PCDHGA4: variants seen among roughly 807,000 people sequenced by gnomAD.
The protein encoded by PCDHGA4 is protocadherin gamma subfamily A, 4.
A neutral mutation model predicts 54.6 loss-of-function variants in PCDHGA4; 38 were observed. That is an observed-to-expected ratio of 0.70 (90% CI 0.54 to 0.91). The LOEUF (loss-of-function observed/expected upper bound fraction) is 0.91. Ranked by LOEUF, PCDHGA4 falls within the 40% of genes least tolerant of loss-of-function variation. The pLI is 0.00. For synonymous variants in PCDHGA4, 511 were observed against 512.9 expected (o/e 1.00, Z 0.05); for missense variants, 1,298 against 1,220.9 (o/e 1.06, Z -0.94).
In PCDHGA4 at chr5:141,512,494, C is replaced by T. The variant is rs2099884262; in HGVS notation, c.*1321C>T. The T allele has an allele frequency of 6.5e-6, 1 of 152,894 alleles. No individual in the cohort carries two copies. Among genetic ancestry groups the T allele is most frequent in the Admixed American group, 6.5e-5 (1 of 15,282 alleles). The allele number at this position is 152,894 out of a possible 1,614,324, so 9.5% of individuals were successfully genotyped here. Reference sequence around the variant, plus strand: ...CTTCCGTGAAGGCCACTGCCCAGGTCCCCAGTGCGCCCCCTAGTGGCCATA... The same window carrying T: ...CTTCCGTGAAGGCCACTGCCCAGGTTCCCAGTGCGCCCCCTAGTGGCCATA... On this transcript the variant is annotated 3_prime_UTR_variant, in exon 4 of 4. Transcript: ENST00000571252.
At chr5:141,475,760 C>T (rs1480762060) in intron 1 of PCDHGA4, among the ~76,000 whole-genome samples, 1 of 152,286 alleles carries the variant, frequency 6.6e-6, no homozygotes, top group Non-Finnish European at 1.5e-5. Flanking sequence ...TGCACCGATA[C>T]TGGCAAGGCG....
In PCDHGA4 at chr5:141,384,908, A is replaced by C. The variant is rs868472813; in HGVS notation, c.2514+27287A>C. 24 of 1,613,860 alleles carry C rather than the reference A, an allele frequency of 1.5e-5. 1 individual carries two copies. The highest frequency in any genetic ancestry group is 9.9e-5 in the South Asian group (9 of 91,086). ...GTGGCTGTGGCTGACAGCATCCCCG[A>C]AGTCTTGGCCGACCTGGGCAGCCTT... On this transcript the variant is annotated intron_variant, in intron 1 of 3. Coordinates refer to ENST00000571252, the MANE Select transcript of PCDHGA4 (RefSeq NM_018917.4).
At chr5:141,389,117 G>A in intron 1 of PCDHGA4, 1 of 1,614,024 alleles carries the variant, frequency 6.2e-7, no homozygotes, top group Admixed American at 1.7e-5. Flanking sequence ...TAGACCGCGA[G>A]CAGAATCCAG....
rs773174763 is a variant in PCDHGA4 at position 141,477,409 on chromosome 5, C to T, written c.2515-17398C>T. The T allele has an allele frequency of 1.4e-5, 22 of 1,614,058 alleles. No homozygotes were observed. The highest frequency in any genetic ancestry group is 1.7e-5 in the Admixed American group (1 of 60,006). On this transcript the variant is annotated intron_variant, in intron 1 of 3. Transcript: ENST00000571252. This position sits in a 1 kb window ranked among gnomAD's most constrained non-coding sequence, Gnocchi z 4.9. ...ACAACCTCAGCATCACCGCCCGAGA[C>T]GCCGGAACCCCTTCCCTCTCAGCCC...
At chr5:141,424,772 G>A (rs2096839878) in intron 1 of PCDHGA4, 1 of 152,086 alleles carries the variant, frequency 6.6e-6, no homozygotes, top group Non-Finnish European at 1.5e-5. Flanking sequence ...ATGGCAAATA[G>A]TACATTCAGT....
intron 1 of PCDHGA4, chr5:141,400,114 A>G: frequency 6.2e-7 from 1 of 1,614,074 alleles, no homozygotes; most frequent in Admixed American, 1.7e-5. Context: ...CTTTGCTGAC[A>G]GCTTGCAGGA....
At chr5:141,425,321 G>A (rs1020940689) in intron 1 of PCDHGA4, among the ~76,000 whole-genome samples, 2 of 152,182 alleles carry the variant, frequency 1.3e-5, no homozygotes, top group South Asian at 2.1e-4. Flanking sequence ...CAAGATCGTG[G>A]AGAACAAAAA....
At chr5:141,415,416 G>C (rs747598923) in intron 1 of PCDHGA4, 3 of 1,614,220 alleles carry the variant, frequency 1.9e-6, no homozygotes, top group Non-Finnish European at 2.5e-6. Flanking sequence ...TTGTGGGCGT[G>C]GACGGGGTTC....
At chr5:141,468,783 G>T (rs908838744) in intron 1 of PCDHGA4, among the ~76,000 whole-genome samples, 5 of 151,346 alleles carry the variant, frequency 3.3e-5, no homozygotes, top group East Asian at 2.0e-4. Flanking sequence ...GGAGAATGGC[G>T]TGAACCCGGG....
intron 1 of PCDHGA4, chr5:141,405,078 T>G: frequency 6.2e-7 from 1 of 1,613,888 alleles, no homozygotes; most frequent in Non-Finnish European, 8.5e-7. Flanking sequence ...ACCTTCGTTA[T>G]CACGCTGCTG....
chr5:141,378,080 AT>A (rs1360120738), intron 1 of PCDHGA4: 30 of 152,322 alleles, frequency 2.0e-4, no homozygotes, highest in African/African-American at 7.2e-4. Flanking sequence ...AAATAATTTT[AT>A]AACTTTTTTT....
At chr5:141,429,577 T>C (rs2097225544) in intron 1 of PCDHGA4, among the ~76,000 whole-genome samples, 2 of 152,230 alleles carry the variant, frequency 1.3e-5, no homozygotes, top group South Asian at 4.1e-4. Context: ...TTACATTTAC[T>C]TTTGATTCTT....
intron 1 of PCDHGA4, chr5:141,393,109 G>C (rs2092681202): frequency 1.2e-6 from 2 of 1,613,430 alleles, no homozygotes; most frequent in Non-Finnish European, 1.7e-6. Context: ...TGCGCTCAGA[G>C]CCCGCGGTGT....
chr5:141,453,101 T>TTTCTG (rs1554138035), intron 1 of PCDHGA4, among the ~76,000 whole-genome samples: 1 of 152,012 alleles, frequency 6.6e-6, no homozygotes, highest in Non-Finnish European at 1.5e-5. Context: ...TTCTGTTGCT[T>TTTCTG]TTTTGTTTTG....
chr5:141,392,248 A>G (rs2092491180), intron 1 of PCDHGA4: 3 of 152,220 alleles, frequency 2.0e-5, no homozygotes, highest in Admixed American at 2.0e-4. Flanking sequence ...ATTTGTTAGT[A>G]TATATTGGAG....
At chr5:141,428,290 C>A in intron 1 of PCDHGA4, 1 of 726,802 alleles carries the variant, frequency 1.4e-6, no homozygotes, top group Non-Finnish European at 2.4e-6. Context: ...CCAAGCAAAG[C>A]TGCAGATTTA....
intron 1 of PCDHGA4, chr5:141,475,890 G>C: frequency 1.8e-6 from 1 of 565,896 alleles, no homozygotes; most frequent in South Asian, 2.3e-5. Flanking sequence ...CTGGGACTCT[G>C]TGTGCCGCTG....
chr5:141,392,089 A>G (rs1278879227), intron 1 of PCDHGA4: 2 of 152,236 alleles, frequency 1.3e-5, no homozygotes, highest in Non-Finnish European at 2.9e-5. Context: ...ATTTAGAAGA[A>G]TAATTTAAAA....
chr5:141,399,685 C>G (rs1344845350), intron 1 of PCDHGA4: 1 of 1,613,532 alleles, frequency 6.2e-7, no homozygotes, highest in African/African-American at 1.3e-5. Context: ...TGACTACGAG[C>G]AGCTGCGCAC....
Sources: allele counts gnomAD v4.1 joint callset (sites outside exome capture counted in the v4.1 genomes callset), GRCh38; gene constraint gnomAD v4.1.1; non-coding constraint Gnocchi (gnomAD v3.1); transcripts MANE v1.5; gene names NCBI Gene and HGNC (gene_info 2026-07-23, HGNC 2026-07-21).